Variants in MARCHF3 observed in about 807,000 individuals in gnomAD.
MARCHF3 encodes the protein membrane associated ring-CH-type finger 3.
In MARCHF3, 13 loss-of-function variants were observed where a neutral mutation model predicts 24.2. That is an observed-to-expected ratio of 0.54 (90% CI 0.35 to 0.85). MARCHF3 has a LOEUF of 0.85. MARCHF3 is among the 40% of genes least tolerant of loss of function. The pLI is 0.01. For synonymous variants in MARCHF3, 144 were observed against 137.3 expected (o/e 1.05, Z -0.34); for missense variants, 276 against 325.0 (o/e 0.85, Z 1.16).
intron 1 of MARCHF3, among the ~76,000 whole-genome samples, chr5:127,020,824 G>A (rs1262498470): frequency 6.6e-6 from 1 of 151,578 alleles, no homozygotes; most frequent in African/African-American, 2.4e-5. Context: ...ACTCCAGCCT[G>A]GGCAACACGG....
rs148894929 is a variant in MARCHF3, at chr5:126,988,125, G to A, written c.-57+42225C>T. 3.6e-4 allele frequency among the ~76,000 whole-genome samples: 54 copies of A among 152,068 alleles called. No individual in the cohort carries two copies. In the East Asian group the frequency reaches 7.7e-3, roughly 22 times the overall value. On this transcript the variant is annotated intron_variant, in intron 1 of 4. Transcript: ENST00000308660. ...CTAGAGTAAAGCACACCCCGCCCCC[G>A]TCAAATCCCCAGGTATTTAAATCCT... is the stretch of plus-strand genomic sequence containing the variant.
intron 3 of MARCHF3, among the ~76,000 whole-genome samples, chr5:126,892,394 T>C (rs1411870757): frequency 7.2e-4 from 107 of 148,002 alleles, no homozygotes; most frequent in Admixed American, 6.0e-3. Flanking sequence ...CTTCCAGTTT[T>C]TGCCCATTCA....
At chr5:126,977,795 G>A (rs886788590) in intron 1 of MARCHF3, among the ~76,000 whole-genome samples, 1 of 152,138 alleles carries the variant, frequency 6.6e-6, no homozygotes, top group African/African-American at 2.4e-5. Context: ...AACACTATTC[G>A]GCCATTCCGA....
chr5:126,930,154 T>A (rs1240199002), intron 1 of MARCHF3, among the ~76,000 whole-genome samples: 3 of 152,000 alleles, frequency 2.0e-5, no homozygotes, highest in African/African-American at 7.2e-5. Context: ...ATACAGAAGA[T>A]CTGGATTTGT....
Position 126,900,421 on chromosome 5 carries a change from C to G in MARCHF3, c.393+14509G>C, listed in dbSNP as rs150192920. On this transcript the variant is annotated intron_variant, in intron 3 of 4. Coordinates refer to ENST00000308660, the MANE Select transcript of MARCHF3 (RefSeq NM_178450.5). ...AGCACCCATGACTGAGATTTGTGCC[C>G]TTACAAAAGAGACTCCAGAGAACTA... Among the ~76,000 whole-genome samples the G allele has an allele frequency of 1.5e-3, 225 of 152,044 alleles. 1 individual carries two copies. The highest frequency in any genetic ancestry group is 4.9e-3 in the African/African-American group (204 of 41,440).
chr5:126,976,492 C>G (rs1338595789), intron 1 of MARCHF3, among the ~76,000 whole-genome samples: 1 of 152,162 alleles, frequency 6.6e-6, no homozygotes, highest in Non-Finnish European at 1.5e-5. Context: ...CTATCTGACC[C>G]TCTACTGGGG....
chr5:126,915,122 G>C lies in MARCHF3; in HGVS notation c.201C>G (p.Asp67Glu). 3 of 1,613,694 alleles carry C rather than the reference G, an allele frequency of 1.9e-6. No individual in the cohort carries two copies. Among genetic ancestry groups the C allele is most frequent in the Non-Finnish European group, 2.5e-6 (3 of 1,180,028 alleles). The change falls in exon 3 of 5, where the codon GAC becomes GAG. Residue 67 changes from aspartate to glutamate, a missense_variant. Physicochemically the swap from Asp to Glu is conservative, Grantham distance 45. Coordinates refer to ENST00000308660, the MANE Select transcript of MARCHF3 (RefSeq NM_178450.5). ...CGTGGCAGATCCTGCACATCGGCCG[G>C]TCATTGAAGGGGCTGCAAGAGAAGG... ...RTLATQSPFN[D>E]RPMCRICHEG...
chr5:127,027,149 C>T (rs1753024730), intron 1 of MARCHF3, among the ~76,000 whole-genome samples: 1 of 152,158 alleles, frequency 6.6e-6, no homozygotes, highest in Non-Finnish European at 1.5e-5. Flanking sequence ...TCACAGTGCT[C>T]TCAGTGAAAG....
At chr5:126,962,507 A>T (rs1750670693) in intron 1 of MARCHF3, among the ~76,000 whole-genome samples, 1 of 152,130 alleles carries the variant, frequency 6.6e-6, no homozygotes, top group East Asian at 1.9e-4. Flanking sequence ...AAATGTTCCA[A>T]AATAGGAAAC....
chr5:126,985,469 TTA>T (rs762887127), intron 1 of MARCHF3, among the ~76,000 whole-genome samples: 3,743 of 149,168 alleles, frequency 0.025, 118 homozygotes, highest in African/African-American at 0.083. Context: ...GGATGAACTT[TTA>T]TTTTTTTTTT....
chr5:126,878,056 C>T, intron 4 of MARCHF3, 129 bp downstream of exon 4: 2 of 827,668 alleles, frequency 2.4e-6, no homozygotes, highest in Non-Finnish European at 3.9e-6. Context: ...TCTCATGCTC[C>T]CGCCAGCAAT....
rs1206645138 is a variant in MARCHF3, at chr5:127,016,599, G to T, written c.-57+13751C>A. ...AGTTAGAATGGAGATCATTAAAAAG[G>T]CAGGAAACAACAGATGCTGGAGAGG... On this transcript the variant is annotated intron_variant, in intron 1 of 4. Coordinates refer to ENST00000308660, the MANE Select transcript of MARCHF3 (RefSeq NM_178450.5). Among the ~76,000 whole-genome samples the T allele has an allele frequency of 2.0e-5, 3 of 152,074 alleles. No individual in the cohort carries two copies. The South Asian group carries it at 6.2e-4, about 32-fold the overall frequency.
At chr5:126,962,975 C>T (rs890567671) in intron 1 of MARCHF3, among the ~76,000 whole-genome samples, 1 of 152,064 alleles carries the variant, frequency 6.6e-6, no homozygotes, top group African/African-American at 2.4e-5. Flanking sequence ...TGTTTTCTTT[C>T]TGCCTGTGTA....
chr5:126,939,666 C>T (rs1015731465), intron 1 of MARCHF3, among the ~76,000 whole-genome samples: 3 of 152,204 alleles, frequency 2.0e-5, no homozygotes, highest in African/African-American at 7.2e-5. Flanking sequence ...TAAACAGAGT[C>T]AGTTCTTGTT....
chr5:126,870,339 ACCTT>A lies in MARCHF3; in HGVS notation c.*290_*293del. 1 of 245,504 alleles carries A rather than the reference ACCTT, an allele frequency of 4.1e-6. No individual in the cohort carries two copies. The highest frequency in any genetic ancestry group is 8.0e-6 in the Non-Finnish European group (1 of 125,682). 15.2% of individuals were successfully genotyped at this position (245,504 alleles called of 1,614,324 possible). ...ATTGAATTGCATCCGTAGCAGGACA[ACCTT>A]CCTCATACGTTAAAGAGGTGTTCAG... is the stretch of plus-strand genomic sequence containing the variant. On this transcript the variant is annotated 3_prime_UTR_variant, in exon 5 of 5. Transcript: ENST00000308660.
chr5:127,004,880 G>A (rs1016862028), intron 1 of MARCHF3, among the ~76,000 whole-genome samples: 5 of 151,928 alleles, frequency 3.3e-5, no homozygotes, highest in African/African-American at 1.2e-4. Context: ...TTCACTACAC[G>A]AGTTGCCTTA....
intron 1 of MARCHF3, among the ~76,000 whole-genome samples, chr5:126,960,235 T>C (rs1467836344): frequency 6.6e-6 from 1 of 152,176 alleles, no homozygotes; most frequent in East Asian, 1.9e-4. Flanking sequence ...AGTGGTGCCA[T>C]TCACCTAGAA....
chr5:126,990,995 T>C lies in MARCHF3; in HGVS notation c.-57+39355A>G, dbSNP rs545596221. Among the ~76,000 whole-genome samples the C allele has an allele frequency of 2.6e-5, 4 of 152,324 alleles. No homozygotes were observed. The East Asian group carries it at 5.8e-4, about 22-fold the overall frequency. ...CACTGTGGAAGACAGTGTGGCGATT[T>C]CTCAAGGATCTAGAACTAGAAATAG... On this transcript the variant is annotated intron_variant, in intron 1 of 4. Coordinates refer to ENST00000308660, the MANE Select transcript of MARCHF3 (RefSeq NM_178450.5).
intron 1 of MARCHF3, among the ~76,000 whole-genome samples, chr5:126,949,369 C>T (rs892216128): frequency 1.8e-4 from 27 of 152,260 alleles, no homozygotes; most frequent in African/African-American, 4.6e-4. Flanking sequence ...ACATTTCTAG[C>T]GGTTCTGATG....
Sources: gnomAD v4.1 joint callset for allele counts (sites outside exome capture counted in the v4.1 genomes callset) on GRCh38, gnomAD v4.1.1 for gene constraint, MANE v1.5 for transcripts, NCBI Gene and HGNC (gene_info 2026-07-23, HGNC 2026-07-21) for gene names.